Variants in KCMF1 observed in about 807,000 individuals in gnomAD.
The protein encoded by KCMF1 is E3 ubiquitin-protein ligase KCMF1.
KCMF1 carries 3 observed loss-of-function variants against 41.1 expected under a neutral mutation model. The ratio of observed to expected loss-of-function variants is 0.07; its 90% confidence interval spans 0.03 to 0.19. The LOEUF (loss-of-function observed/expected upper bound fraction) is 0.19. Ranked by LOEUF, KCMF1 falls within the 10% of genes least tolerant of loss-of-function variation. The pLI, the probability that KCMF1 is intolerant of heterozygous loss-of-function variation, is 1.00. For missense variants in KCMF1, 286 were observed against 488.9 expected, an observed-to-expected ratio of 0.58 and a Z score of 3.91; for synonymous variants, 142 against 164.5, an observed-to-expected ratio of 0.86 and a Z score of 1.04.
rs372656432 is a variant in KCMF1, at chr2:85,045,737, G to A, written c.427-367G>A. Among the ~76,000 whole-genome samples the A allele has an allele frequency of 5.3e-5, 8 of 152,310 alleles. No homozygotes were observed. The East Asian group carries it at 1.2e-3, about 22-fold the overall frequency. On this transcript the variant is annotated intron_variant, in intron 4 of 6. Coordinates refer to ENST00000409785, the MANE Select transcript of KCMF1 (RefSeq NM_020122.5). ...CTGTTTTCTGCTTAGCAGCGGCATT[G>A]GAAAGAAGCTTGAAGACAGAGTAAA...
intron 1 of KCMF1, among the ~76,000 whole-genome samples, chr2:84,985,113 T>TAG (rs1265026306): frequency 6.6e-6 from 1 of 151,942 alleles, no homozygotes; most frequent in Non-Finnish European, 1.5e-5. Flanking sequence ...ACAGCAAGTG[T>TAG]AGAGGTCCTG....
Position 85,040,077 on chromosome 2 carries a change from A to T in KCMF1, c.325-3487A>T, listed in dbSNP as rs911063794. ...GCAATCCATCTGCCTTGGCCTCCCA[A>T]AGTGCTGCGATTGTAGGCGTGAGCC... On this transcript the variant is annotated intron_variant, in intron 3 of 6. Transcript: ENST00000409785. Among the ~76,000 whole-genome samples the T allele has an allele frequency of 3.3e-5, 5 of 152,160 alleles. No individual in the cohort carries two copies. In the South Asian group the frequency reaches 1.0e-3, roughly 32 times the overall value.
At chr2:84,982,393 T>C (rs1365374333) in intron 1 of KCMF1, among the ~76,000 whole-genome samples, 14 of 77,886 alleles carry the variant, frequency 1.8e-4, no homozygotes, top group African/African-American at 6.6e-4. Context: ...TATTTTCTTT[T>C]TTTTTTTTTT....
At position 85,053,494 on chromosome 2, in the gene KCMF1, T is replaced by C; in HGVS notation, c.*85T>C. 1 of 1,367,840 alleles carries C rather than the reference T, an allele frequency of 7.3e-7. No individual in the cohort carries two copies. The highest frequency in any genetic ancestry group is 1.5e-5 in the South Asian group (1 of 67,764). 84.7% of individuals were successfully genotyped at this position (1,367,840 alleles called of 1,614,324 possible). A position where few individuals can be genotyped will look rare whatever the true frequency, so the allele number is the denominator to read the frequency against. On this transcript the variant is annotated 3_prime_UTR_variant, in exon 7 of 7. Coordinates refer to ENST00000409785, the MANE Select transcript of KCMF1 (RefSeq NM_020122.5). Reference sequence around the variant, plus strand: ...CAACTATCTTGGGTTTGTTTGGTGATTGTAATTTCAGGTCTGTCACTCTTG... The same window carrying C: ...CAACTATCTTGGGTTTGTTTGGTGACTGTAATTTCAGGTCTGTCACTCTTG...
intron 1 of KCMF1, 108 bp downstream of exon 1, chr2:84,971,575 C>T: frequency 3.9e-6 from 2 of 515,410 alleles, no homozygotes; most frequent in Non-Finnish European, 5.3e-6. Context: ...TTGGCCGAGC[C>T]CGAGCCGGGC....
At chr2:85,029,962 CA>C (rs1332175237) in intron 2 of KCMF1, among the ~76,000 whole-genome samples, 1 of 152,102 alleles carries the variant, frequency 6.6e-6, no homozygotes, top group African/African-American at 2.4e-5. Flanking sequence ...AGATTACAGA[CA>C]TGAGCCACCA....
intron 3 of KCMF1, among the ~76,000 whole-genome samples, chr2:85,037,723 T>C (rs1242331166): frequency 1.3e-5 from 2 of 152,258 alleles, no homozygotes; most frequent in African/African-American, 2.4e-5. Context: ...CTCTGTTTGC[T>C]ATCTTGCTTT....
At chr2:85,000,311 G>C (rs56321854) in intron 1 of KCMF1, among the ~76,000 whole-genome samples, 10,065 of 152,112 alleles carry the variant, frequency 0.066, 579 homozygotes, top group East Asian at 0.34. Flanking sequence ...TTTTAGTAGA[G>C]ACGGGGTTTC....
rs561523699 is a variant in KCMF1, at chr2:84,980,516, C to A, written c.16+9049C>A. ...CCTCTCTGCTACATCCCTGATGGCC[C>A]TCTTGGTGTTTGTTAACCATGGTAA... On this transcript the variant is annotated intron_variant, in intron 1 of 6. Coordinates refer to ENST00000409785, the MANE Select transcript of KCMF1 (RefSeq NM_020122.5). Among the ~76,000 whole-genome samples, 76 of 152,286 alleles carry A rather than the reference C, an allele frequency of 5.0e-4. 1 individual carries two copies. The highest frequency in any genetic ancestry group is 1.8e-3 in the African/African-American group (75 of 41,552).
At chr2:85,043,916 T>C (rs549042505) in intron 4 of KCMF1, among the ~76,000 whole-genome samples, 1 of 152,324 alleles carries the variant, frequency 6.6e-6, no homozygotes, top group East Asian at 1.9e-4. Context: ...GTCCAAATTA[T>C]TTTTACTTAT....
chr2:85,008,375 G>GATATATAATATATATCATT (rs1558573636), intron 1 of KCMF1, among the ~76,000 whole-genome samples: 10 of 27,862 alleles, frequency 3.6e-4, no homozygotes, highest in African/African-American at 9.7e-4. Context: ...TATATCATAT[G>GATATATAATATATATCATT]ATATATTATA....
At chr2:85,041,076 C>G (rs1675520904) in intron 3 of KCMF1, among the ~76,000 whole-genome samples, 1 of 152,046 alleles carries the variant, frequency 6.6e-6, no homozygotes, top group African/African-American at 2.4e-5. Context: ...CTTGATTTTT[C>G]TATGCCAGCT....
intron 1 of KCMF1, among the ~76,000 whole-genome samples, chr2:85,021,141 T>C (rs1674926434): frequency 1.3e-5 from 2 of 152,178 alleles, no homozygotes; most frequent in South Asian, 2.1e-4. Context: ...ATATTACATA[T>C]TAGATAATCG....
At chr2:85,041,975 G>A (rs1675548913) in intron 3 of KCMF1, among the ~76,000 whole-genome samples, 1 of 152,188 alleles carries the variant, frequency 6.6e-6, no homozygotes, top group Non-Finnish European at 1.5e-5. Context: ...CTAGTAAAGA[G>A]AGAGTGGATG....
intron 1 of KCMF1, among the ~76,000 whole-genome samples, chr2:84,979,547 T>G (rs964470772): frequency 6.6e-6 from 1 of 151,232 alleles, no homozygotes; most frequent in East Asian, 1.9e-4. Flanking sequence ...AATCACTTTA[T>G]AAATATAGCT....
intron 1 of KCMF1, among the ~76,000 whole-genome samples, chr2:84,998,545 C>A (rs989274801): frequency 6.6e-6 from 1 of 152,102 alleles, no homozygotes; most frequent in Non-Finnish European, 1.5e-5. Context: ...ATTAATAATT[C>A]TCAACCCTGT....
chr2:85,045,940 T>TA (rs1574042626), intron 4 of KCMF1, among the ~76,000 whole-genome samples, 164 bp from the exon 5 acceptor site: 1 of 152,192 alleles, frequency 6.6e-6, no homozygotes, highest in Non-Finnish European at 1.5e-5. Context: ...TTTTTAGGGT[T>TA]AATAGCCCTC....
At chr2:84,992,197 G>A (rs1674055571) in intron 1 of KCMF1, among the ~76,000 whole-genome samples, 1 of 152,058 alleles carries the variant, frequency 6.6e-6, no homozygotes, top group Non-Finnish European at 1.5e-5. Flanking sequence ...GTTATTAGAT[G>A]GTTTTATATA....
At chr2:85,003,741 G>A (rs748225996) in intron 1 of KCMF1, among the ~76,000 whole-genome samples, 1 of 151,970 alleles carries the variant, frequency 6.6e-6, no homozygotes, top group Non-Finnish European at 1.5e-5. Flanking sequence ...CTGGCCTACT[G>A]TCATTTTCTA....
Sources: allele counts gnomAD v4.1 joint callset (sites outside exome capture counted in the v4.1 genomes callset), GRCh38; gene constraint gnomAD v4.1.1; transcripts MANE v1.5; gene names NCBI Gene and HGNC (gene_info 2026-07-23, HGNC 2026-07-21).